The following EIPR1 variants were observed in gnomAD, a reference collection of about 807,000 sequenced individuals.
EIPR1 encodes the protein EARP complex and GARP complex interacting protein 1.
Under a neutral mutation model 48.1 loss-of-function variants are expected in EIPR1, and 25 were observed. That is an observed-to-expected ratio of 0.52 (90% confidence interval 0.38 to 0.73). The LOEUF (loss-of-function observed/expected upper bound fraction) is 0.73. EIPR1 is among the 30% of genes least tolerant of loss of function. The probability of loss-of-function intolerance (pLI) is 0.00; values close to 1 mark genes in which losing one functional copy is unlikely to be tolerated. For missense variants in EIPR1, 415 were observed against 506.2 expected (o/e 0.82, Z 1.73); for synonymous variants, 204 against 201.9 (o/e 1.01, Z -0.09).
At chr2:3,263,220 C>T (rs1054967995) in intron 3 of EIPR1, among the ~76,000 whole-genome samples, 5 of 152,174 alleles carry the variant, frequency 3.3e-5, no homozygotes, top group Non-Finnish European at 5.9e-5. Context: ...CCCAGCACTG[C>T]TCTGGCCATC....
intron 3 of EIPR1, among the ~76,000 whole-genome samples, chr2:3,305,505 G>GTCCAGTTCAACCCTCCACTCCCA (rs1402573423): frequency 2.0e-5 from 3 of 149,790 alleles, no homozygotes; most frequent in African/African-American, 4.9e-5. Context: ...CTCCACTCCT[G>GTCCAGTTCAACCCTCCACTCCCA]TCCAGTTCAA....
chr2:3,309,953 G>A (rs1405224724), intron 3 of EIPR1, among the ~76,000 whole-genome samples: 1 of 152,104 alleles, frequency 6.6e-6, no homozygotes. Context: ...GCAGGCTCTG[G>A]CAGTGCCCGT....
chr2:3,324,305 G>T (rs554844815), intron 3 of EIPR1, among the ~76,000 whole-genome samples: 51 of 152,166 alleles, frequency 3.4e-4, no homozygotes, highest in Non-Finnish European at 6.9e-4. Context: ...CCCCTGCAGG[G>T]ACACCCACAG....
rs1666637431 is a variant in EIPR1, at chr2:3,241,817, G to A, written c.416+15482C>T. Among the ~76,000 whole-genome samples, 3 of 152,104 alleles carry A rather than the reference G, an allele frequency of 2.0e-5. No individual in the cohort carries two copies. The South Asian group carries it at 6.2e-4, about 32-fold the overall frequency. On this transcript the variant is annotated intron_variant, in intron 4 of 8. Transcript: ENST00000382125. Reference sequence around the variant, plus strand: ...GCATTCACAAGGGTCATCATCGTGGGATATGGTCCTAATTCGGCAGGTTTC... The same window carrying A: ...GCATTCACAAGGGTCATCATCGTGGAATATGGTCCTAATTCGGCAGGTTTC...
chr2:3,326,406 C>T (rs1669700865), intron 3 of EIPR1, among the ~76,000 whole-genome samples: 3 of 152,164 alleles, frequency 2.0e-5, no homozygotes, highest in African/African-American at 4.8e-5. Context: ...CTCCACTGCC[C>T]GATACCCCTG....
chr2:3,197,429 C>T (rs1411218878), intron 5 of EIPR1, among the ~76,000 whole-genome samples: 2 of 152,230 alleles, frequency 1.3e-5, no homozygotes, highest in Admixed American at 6.5e-5. Context: ...TGGTCAGATG[C>T]TGTCTCCAGT....
chr2:3,204,949 A>G (rs1180078981), intron 5 of EIPR1, among the ~76,000 whole-genome samples: 2 of 152,092 alleles, frequency 1.3e-5, no homozygotes, highest in African/African-American at 2.4e-5. Flanking sequence ...TACTACTTGC[A>G]GGCCGCACTC....
At chr2:3,231,179 A>G (rs1341264317) in intron 4 of EIPR1, among the ~76,000 whole-genome samples, 3 of 152,170 alleles carry the variant, frequency 2.0e-5, no homozygotes, top group Non-Finnish European at 4.4e-5. Flanking sequence ...AATGCAACTG[A>G]TTCTTGTATG....
At chr2:3,368,991 T>C (rs1204176420) in intron 1 of EIPR1, among the ~76,000 whole-genome samples, 1 of 152,146 alleles carries the variant, frequency 6.6e-6, no homozygotes, top group African/African-American at 2.4e-5. Flanking sequence ...TCCTTTCATG[T>C]AAAGTGTTCT....
At position 3,199,140 on chromosome 2, in the gene EIPR1, G is replaced by A. The variant is rs372090112; in HGVS notation, c.517-2123C>T. 1.6e-4 allele frequency among the ~76,000 whole-genome samples: 23 copies of A among 145,770 alleles called. 1 individual carries two copies. Among genetic ancestry groups the A allele is most frequent in the African/African-American group, 4.6e-4 (18 of 39,168 alleles). On this transcript the variant is annotated intron_variant, in intron 5 of 8. Transcript: ENST00000382125. Reference sequence around the variant, plus strand: ...TTCCTTACTGGGGAAAGAATTCAGCGATATTTATCTTATCCGTTTTGGTAA... The same window carrying A: ...TTCCTTACTGGGGAAAGAATTCAGCAATATTTATCTTATCCGTTTTGGTAA...
At chr2:3,204,417 G>A (rs1665151892) in intron 5 of EIPR1, among the ~76,000 whole-genome samples, 1 of 152,220 alleles carries the variant, frequency 6.6e-6, no homozygotes, top group Non-Finnish European at 1.5e-5. Flanking sequence ...AGGGCAGACG[G>A]TGCAGTGTAA....
At chr2:3,350,624 T>C (rs1009156974) in intron 2 of EIPR1, among the ~76,000 whole-genome samples, 5 of 152,232 alleles carry the variant, frequency 3.3e-5, no homozygotes, top group African/African-American at 1.2e-4. Context: ...TAAAGAGTTC[T>C]GTTATTCTAT....
chr2:3,276,994 C>T (rs1229374166), intron 3 of EIPR1, among the ~76,000 whole-genome samples: 2 of 152,166 alleles, frequency 1.3e-5, no homozygotes, highest in African/African-American at 4.8e-5. Flanking sequence ...TTGTCAGTTA[C>T]GGGTACTGTG....
chr2:3,189,649 A>G lies in EIPR1; in HGVS notation c.990-141T>C. On this transcript the variant is annotated intron_variant, in intron 8 of 8. Transcript: ENST00000382125. This position sits in a 1 kb window ranked among gnomAD's most constrained non-coding sequence, Gnocchi z 4.6. ...CTTTCTCCGCTGTGGGATGGGAAGA[A>G]TTAGAGGAGCCCACACCGAGGACGG... is the stretch of plus-strand genomic sequence containing the variant. 2 of 793,094 alleles carry G rather than the reference A, an allele frequency of 2.5e-6. No individual in the cohort carries two copies. Among genetic ancestry groups the G allele is most frequent in the Non-Finnish European group, 3.7e-6 (2 of 543,012 alleles). 49.1% of individuals were successfully genotyped at this position (793,094 alleles called of 1,614,324 possible).
intron 1 of EIPR1, among the ~76,000 whole-genome samples, chr2:3,368,629 G>C (rs1037417867): frequency 2.0e-5 from 3 of 152,210 alleles, no homozygotes; most frequent in Admixed American, 2.0e-4. Flanking sequence ...AATGTCAAAA[G>C]TTCAAAGAAA....
chr2:3,230,608 C>T (rs1330784150), intron 4 of EIPR1, among the ~76,000 whole-genome samples: 6 of 152,158 alleles, frequency 3.9e-5, no homozygotes, highest in African/African-American at 1.4e-4. Flanking sequence ...ATTGAAGAGA[C>T]TATCTTTTTC....
intron 3 of EIPR1, among the ~76,000 whole-genome samples, chr2:3,262,333 T>TGCAGAAGA (rs755874530): frequency 2.4e-4 from 36 of 152,302 alleles, no homozygotes; most frequent in Admixed American, 5.2e-4. Context: ...AGGAGGAGCG[T>TGCAGAAGA]GCAGAAGACC....
intron 4 of EIPR1, among the ~76,000 whole-genome samples, chr2:3,225,942 C>A (rs777152492): frequency 1.1e-4 from 17 of 152,224 alleles, no homozygotes; most frequent in Non-Finnish European, 1.8e-4. Flanking sequence ...CCAGGTTCGT[C>A]CATATTGTTT....
intron 3 of EIPR1, among the ~76,000 whole-genome samples, chr2:3,267,176 C>A (rs1434920616): frequency 1.3e-5 from 2 of 152,230 alleles, no homozygotes; most frequent in African/African-American, 2.4e-5. Context: ...TTTCTCCAAT[C>A]CCTGTATGTG....
Sources: gnomAD v4.1 joint callset for allele counts (sites outside exome capture counted in the v4.1 genomes callset) on GRCh38, gnomAD v4.1.1 for gene constraint, Gnocchi (gnomAD v3.1) non-coding constraint, MANE v1.5 for transcripts, NCBI Gene and HGNC (gene_info 2026-07-23, HGNC 2026-07-21) for gene names.